The following SLC15A1 variants were observed in gnomAD, a reference collection of about 807,000 sequenced individuals.
SLC15A1 encodes Caco-2 oligopeptide transporter.
In SLC15A1, 83 loss-of-function variants were observed where a neutral mutation model predicts 92.9. That is an observed-to-expected ratio of 0.89 (90% CI 0.75 to 1.07). The LOEUF is 1.07. Ranked by LOEUF, SLC15A1 falls within the 50% of genes least tolerant of loss-of-function variation. SLC15A1 has a pLI of 0.00. For missense variants in SLC15A1, 857 were observed against 880.1 expected (o/e 0.97, Z 0.33); for synonymous variants, 322 against 318.2 (o/e 1.01, Z -0.13).
chr13:98,707,971 T>A (rs1447571446), intron 15 of SLC15A1, among the ~76,000 whole-genome samples: 2 of 151,606 alleles, frequency 1.3e-5, no homozygotes, highest in East Asian at 3.8e-4. Flanking sequence ...TGCAATTAGT[T>A]TTTTTTAAAT....
At chr13:98,714,653 CAAAA>C (rs11378347) in intron 9 of SLC15A1, among the ~76,000 whole-genome samples, 1 of 94,380 alleles carries the variant, frequency 1.1e-5, no homozygotes, top group Non-Finnish European at 2.0e-5. Flanking sequence ...GACTCCATCT[CAAAA>C]AAAAAAAAAA....
Position 98,706,177 on chromosome 13 carries a change from AT to A in SLC15A1, c.1225del (p.Ile409TyrfsTer8). ...VLNIGNNTMN[I>X]SLPGEMVTLG... ...TGTCACCATCTCTCCAGGAAGAGATATATTCATGGTATTGTTTCCTATATTC... is the reference window on the plus strand; with the variant it reads ...TGTCACCATCTCTCCAGGAAGAGATAATTCATGGTATTGTTTCCTATATTC... On this transcript the variant is annotated frameshift_variant, in exon 16 of 23. Transcript: ENST00000376503. LOFTEE classifies it high-confidence loss of function. The A allele has an allele frequency of 6.2e-7, 1 of 1,613,092 alleles. No individual in the cohort carries two copies. Among genetic ancestry groups the A allele is most frequent in the Non-Finnish European group, 8.5e-7 (1 of 1,179,354 alleles).
rs1202276078 is a variant in SLC15A1, at chr13:98,726,182, C to T, written c.186G>A (p.Leu62=). The change falls in exon 4 of 23, where the codon CTG becomes CTA. Residue 62 remains leucine, a synonymous_variant. Coordinates refer to ENST00000376503, the MANE Select transcript of SLC15A1 (RefSeq NM_005073.4). ...STAIYHTFVA[L]CYLTPILGAL... is the part of the protein sequence containing the mutation. Reference sequence around the variant, plus strand: ...CTCCGAGAATTGGCGTCAGGTAGCACAGAGCCACAAACGTATGGTAGATGG... The same window carrying T: ...CTCCGAGAATTGGCGTCAGGTAGCATAGAGCCACAAACGTATGGTAGATGG... 2.5e-6 allele frequency: 4 copies of T among 1,613,976 alleles called. No individual in the cohort carries two copies. The highest frequency in any genetic ancestry group is 3.3e-5 in the Admixed American group (2 of 60,000).
chr13:98,714,700 C>T lies in SLC15A1; in HGVS notation c.723+1178G>A, dbSNP rs897541913. 5.5e-5 allele frequency among the ~76,000 whole-genome samples: 8 copies of T among 144,864 alleles called. No homozygotes were observed. The East Asian group carries it at 6.1e-4, about 11-fold the overall frequency. ...AATGAAATATAATACAATAATCTAA[C>T]GCAATAAGGCCAGGTAAGATAAAGT... On this transcript the variant is annotated intron_variant, in intron 9 of 22. Transcript: ENST00000376503.
Position 98,721,501 on chromosome 13 carries a change from G to A in SLC15A1, c.550C>T (p.Leu184Phe), listed in dbSNP as rs1296956420. The A allele has an allele frequency of 1.2e-5, 19 of 1,611,506 alleles. No individual in the cohort carries two copies. The highest frequency in any genetic ancestry group is 1.5e-5 in the Non-Finnish European group (18 of 1,177,708). ...SLLSTIITPM[L>F]RVQQCGIHSK... Reference sequence around the variant, plus strand: ...CCTTTCAGGTATCTCTTACCTCTGAGCATGGGTGTGATGATTGTGGAAAGC... The same window carrying A: ...CCTTTCAGGTATCTCTTACCTCTGAACATGGGTGTGATGATTGTGGAAAGC... The change falls in exon 7 of 23, where the codon CTC (leucine) becomes TTC (phenylalanine). Residue 184 changes from leucine (L) to phenylalanine (F), a missense_variant. By Grantham distance (22) the Leu-to-Phe change is conservative. Transcript: ENST00000376503.
chr13:98,712,713 A>G (rs2088174152), intron 9 of SLC15A1, 129 bp from the exon 10 acceptor site: 1 of 618,806 alleles, frequency 1.6e-6, no homozygotes, highest in Admixed American at 2.9e-5. Context: ...AATTGTATCT[A>G]CTAGTATATG....
chr13:98,692,807 A>AC (rs2087990800), intron 18 of SLC15A1, among the ~76,000 whole-genome samples: 1 of 152,120 alleles, frequency 6.6e-6, no homozygotes, highest in African/African-American at 2.4e-5. Flanking sequence ...GTGCAGTGGC[A>AC]CCAACATGGC....
chr13:98,720,213 C>A (rs1040889001), intron 7 of SLC15A1, among the ~76,000 whole-genome samples: 14 of 152,094 alleles, frequency 9.2e-5, no homozygotes, highest in African/African-American at 3.4e-4. Context: ...ATTTGTTAGT[C>A]AAATCTTTAT....
In SLC15A1 at chr13:98,716,987, G is replaced by A. The variant is rs145026559; in HGVS notation, c.641-1027C>T. 3.6e-3 allele frequency among the ~76,000 whole-genome samples: 543 copies of A among 152,246 alleles called. 2 individuals carry two copies. The highest frequency in any genetic ancestry group is 8.4e-3 in the Admixed American group (129 of 15,296). ...ATCACTTGAGACCAGTAGTTCAAGAGCAGCCTGGGCAACATAATGAGATCC... is the reference window on the plus strand; with the variant it reads ...ATCACTTGAGACCAGTAGTTCAAGAACAGCCTGGGCAACATAATGAGATCC... On this transcript the variant is annotated intron_variant, in intron 8 of 22. Transcript: ENST00000376503.
chr13:98,714,724 G>T (rs12867528), intron 9 of SLC15A1, among the ~76,000 whole-genome samples: 19,609 of 148,596 alleles, frequency 0.13, 1,784 homozygotes, highest in African/African-American at 0.26. Flanking sequence ...GTAAGATAAA[G>T]TAAGTGATCT....
intron 1 of SLC15A1, 73 bp from the exon 2 acceptor site, chr13:98,726,932 C>A: frequency 6.7e-7 from 1 of 1,500,910 alleles, no homozygotes; most frequent in South Asian, 1.1e-5. Flanking sequence ...AAACTCAGAG[C>A]CTCTGACTTT....
chr13:98,700,481 T>C (rs1314478219), intron 18 of SLC15A1, among the ~76,000 whole-genome samples: 1 of 2,642 alleles, frequency 3.8e-4, no homozygotes, highest in Non-Finnish European at 5.9e-4. Context: ...CAAGACCCTG[T>C]CTCAAAAAAA....
At chr13:98,729,898 T>C (rs912658561) in intron 1 of SLC15A1, among the ~76,000 whole-genome samples, 26 of 152,178 alleles carry the variant, frequency 1.7e-4, no homozygotes, top group African/African-American at 6.3e-4. Context: ...AGGGGCCTCC[T>C]ACCAGATGGT....
chr13:98,720,814 G>A (rs1327319615), intron 7 of SLC15A1: 6 of 296,946 alleles, frequency 2.0e-5, no homozygotes, highest in African/African-American at 4.3e-5. Context: ...ACTTTGGGAG[G>A]CCAAGGCAGG....
chr13:98,725,714 G>C (rs868088022), intron 4 of SLC15A1, among the ~76,000 whole-genome samples: 5 of 152,246 alleles, frequency 3.3e-5, no homozygotes, highest in Middle Eastern at 3.4e-3. Context: ...GCTCTCCTAA[G>C]GGTTTGTTTC....
chr13:98,721,810 C>G lies in SLC15A1; in HGVS notation c.459G>C (p.Glu153Asp). The change falls in exon 6 of 23, where the codon GAG becomes GAC. Residue 153 changes from glutamate (E) to aspartate (D), a missense_variant. Coordinates refer to ENST00000376503, the MANE Select transcript of SLC15A1 (RefSeq NM_005073.4). ...GGGAGGCCCCTACCCTTACCTGGCC[C>G]TCTTCAAACTGATCTCCACCAAACG... is the stretch of plus-strand genomic sequence containing the variant. ...VSAFGGDQFE[E>D]GQEKQRNRFF... The G allele has an allele frequency of 6.2e-7, 1 of 1,614,076 alleles. No individual in the cohort carries two copies. The highest frequency in any genetic ancestry group is 1.6e-4 in the Middle Eastern group (1 of 6,062).
rs1253215719 is a variant in SLC15A1 at position 98,752,545 on chromosome 13, G to A, written c.4+50C>T. The A allele has an allele frequency of 3.9e-6, 5 of 1,273,874 alleles. No individual in the cohort carries two copies. In the Admixed American group the frequency reaches 1.5e-4, roughly 39 times the overall value. The allele number at this position is 1,273,874 out of a possible 1,614,324, so 78.9% of individuals were successfully genotyped here. ...GGCCCTCGGTGCCGGCCCCCGCCCC[G>A]CGTAGCTCCGAGTCTTTAGCCCGGC... On this transcript the variant is annotated intron_variant, in intron 1 of 22. Coordinates refer to ENST00000376503, the MANE Select transcript of SLC15A1 (RefSeq NM_005073.4).
rs1593974770 is a variant in SLC15A1, at chr13:98,684,317, G to T, written c.*407C>A. On this transcript the variant is annotated 3_prime_UTR_variant, in exon 23 of 23. Coordinates refer to ENST00000376503, the MANE Select transcript of SLC15A1 (RefSeq NM_005073.4). ...AATCCCAGCACTTTGGCAGGCCGAG[G>T]TGGGCAGATCACCAGGTCAAGAGAT... The T allele has an allele frequency of 1.9e-5, 3 of 156,852 alleles. No individual in the cohort carries two copies. Among genetic ancestry groups the T allele is most frequent in the Non-Finnish European group, 4.2e-5 (3 of 70,914 alleles). 9.7% of individuals were successfully genotyped at this position (156,852 alleles called of 1,614,324 possible).
chr13:98,699,565 G>T (rs2088051261), intron 18 of SLC15A1, among the ~76,000 whole-genome samples: 1 of 152,294 alleles, frequency 6.6e-6, no homozygotes, highest in South Asian at 2.1e-4. Flanking sequence ...TATAACCAGA[G>T]CTTCTATAAA....
Sources: gnomAD v4.1 joint callset for allele counts (sites outside exome capture counted in the v4.1 genomes callset) on GRCh38, gnomAD v4.1.1 for gene constraint, MANE v1.5 for transcripts, NCBI Gene and HGNC (gene_info 2026-07-23, HGNC 2026-07-21) for gene names.